Variants in FECH observed in about 807,000 individuals in gnomAD.
The protein encoded by FECH is ferrochelatase, also known as ferrochelatase, mitochondrial.
In FECH, 40 loss-of-function variants were observed where a neutral mutation model predicts 56.9. The observed-to-expected ratio is 0.70, with a 90% confidence interval of 0.55 to 0.92. The LOEUF is 0.92. Among genes scored for constraint, FECH ranks in the 40% least tolerant of loss-of-function variants. The probability of loss-of-function intolerance (pLI) is 0.00; values close to 1 mark genes in which losing one functional copy is unlikely to be tolerated. For missense variants in FECH, 431 were observed against 529.1 expected (o/e 0.81, Z 1.82); for synonymous variants, 175 against 198.6 (o/e 0.88, Z 1.00).
At chr18:57,552,782 C>G (rs913071283) in intron 9 of FECH, among the ~76,000 whole-genome samples, 1 of 152,176 alleles carries the variant, frequency 6.6e-6, no homozygotes, top group Admixed American at 6.5e-5. Context: ...ACACATGGAT[C>G]TCAACTGAAG....
intron 5 of FECH, among the ~76,000 whole-genome samples, chr18:57,565,564 C>T (rs543973358): frequency 7.3e-5 from 11 of 150,192 alleles, no homozygotes; most frequent in South Asian, 4.2e-4. Flanking sequence ...GAGCAAGATA[C>T]CATCTCAGAA....
At chr18:57,573,039 C>G (rs776605061) in intron 3 of FECH, 1 of 601,682 alleles carries the variant, frequency 1.7e-6, no homozygotes, top group Non-Finnish European at 2.9e-6. Context: ...GCAAAGGGCT[C>G]AAGGAGAATC....
At chr18:57,565,521 A>G (rs2051004413) in intron 5 of FECH, among the ~76,000 whole-genome samples, 1 of 151,876 alleles carries the variant, frequency 6.6e-6, no homozygotes, top group Admixed American at 6.6e-5. Flanking sequence ...CAGGAGAATC[A>G]CTTGAACCCG....
chr18:57,579,244 T>C (rs76173542), intron 2 of FECH, among the ~76,000 whole-genome samples: 47,565 of 130,350 alleles, frequency 0.36, 8,769 homozygotes, highest in Non-Finnish European at 0.42. Flanking sequence ...TGAGACTCTC[T>C]CAAAAAAAAA....
At chr18:57,560,867 A>G (rs999449441) in intron 6 of FECH, among the ~76,000 whole-genome samples, 1 of 152,178 alleles carries the variant, frequency 6.6e-6, no homozygotes, top group African/African-American at 2.4e-5. Context: ...GGATAAGCAA[A>G]CTATTCCCTA....
intron 2 of FECH, among the ~76,000 whole-genome samples, chr18:57,577,058 G>C (rs2051194776): frequency 6.6e-6 from 1 of 152,180 alleles, no homozygotes; most frequent in East Asian, 1.9e-4. Flanking sequence ...GTACGTAACA[G>C]AAACTTAAGC....
intron 5 of FECH, among the ~76,000 whole-genome samples, chr18:57,563,478 G>A (rs79494812): frequency 6.8e-6 from 1 of 147,634 alleles, no homozygotes; most frequent in Admixed American, 7.0e-5. Context: ...TACTCAGGAG[G>A]CTGAGGTAGG....
intron 4 of FECH, among the ~76,000 whole-genome samples, chr18:57,568,569 A>G (rs1736436): frequency 0.64 from 97,785 of 151,962 alleles, 31,702 homozygotes; most frequent in African/African-American, 0.68. Flanking sequence ...TGCAGGGATG[A>G]GAAGGAGCCT....
intron 10 of FECH, chr18:57,551,107 CA>C: frequency 1.6e-6 from 1 of 636,224 alleles, no homozygotes; most frequent in Non-Finnish European, 2.7e-6. Flanking sequence ...GGTTTTAAAT[CA>C]GACATAGTTA....
intron 9 of FECH, among the ~76,000 whole-genome samples, chr18:57,551,790 T>A (rs756531427): frequency 1.3e-5 from 2 of 152,170 alleles, no homozygotes; most frequent in Admixed American, 6.5e-5. Context: ...TGATCCCAAG[T>A]GCCAAAATGA....
intron 7 of FECH, among the ~76,000 whole-genome samples, chr18:57,556,506 G>T (rs531679908): frequency 6.6e-6 from 1 of 152,272 alleles, no homozygotes; most frequent in East Asian, 1.9e-4. Context: ...ACCCCTGTGG[G>T]TTCTTGCCAA....
chr18:57,557,793 C>T (rs968750696), intron 7 of FECH, among the ~76,000 whole-genome samples: 1 of 151,782 alleles, frequency 6.6e-6, no homozygotes, highest in African/African-American at 2.4e-5. Flanking sequence ...CAAGACCCGT[C>T]TCAAAAAAAA....
chr18:57,544,746 A>T lies in FECH; in HGVS notation c.*5966T>A, dbSNP rs1166725268. ...AAATCACAGTGTAATGGCTACAGAA[A>T]CAACTTATGTACTGTGTTATTAACG... On this transcript the variant is annotated 3_prime_UTR_variant, in exon 11 of 11. Transcript: ENST00000262093. 6.6e-6 allele frequency among the ~76,000 whole-genome samples: 1 copy of T among 152,272 alleles called. No homozygotes were observed. The highest frequency in any genetic ancestry group is 2.4e-5 in the African/African-American group (1 of 41,476).
At chr18:57,567,572 C>T (rs2051035085) in intron 4 of FECH, among the ~76,000 whole-genome samples, 1 of 152,194 alleles carries the variant, frequency 6.6e-6, no homozygotes. Context: ...AGAATCACTA[C>T]ATGAGTGTCA....
At chr18:57,574,145 C>T (rs1233924830) in intron 2 of FECH, among the ~76,000 whole-genome samples, 2 of 152,186 alleles carry the variant, frequency 1.3e-5, no homozygotes, top group Non-Finnish European at 2.9e-5. Context: ...GCTGGGATTA[C>T]ACGCACCCAG....
At chr18:57,579,313 G>GTA (rs1555681608) in intron 2 of FECH, among the ~76,000 whole-genome samples, 109 of 143,700 alleles carry the variant, frequency 7.6e-4, no homozygotes, top group South Asian at 1.1e-3. Flanking sequence ...GTGTGTGTGT[G>GTA]TATATATTCA....
intron 1 of FECH, 41 bp downstream of exon 1, chr18:57,586,512 AG>A (rs1187365883): frequency 6.6e-7 from 1 of 1,517,664 alleles, no homozygotes; most frequent in Admixed American, 2.0e-5. Flanking sequence ...ACGCCTTCTC[AG>A]GGATCCTGGC....
intron 7 of FECH, among the ~76,000 whole-genome samples, chr18:57,556,648 C>T (rs1168633145): frequency 6.6e-6 from 1 of 152,146 alleles, no homozygotes; most frequent in Non-Finnish European, 1.5e-5. Context: ...TGGCGCCTCA[C>T]ACCTACAATC....
At chr18:57,563,944 T>C (rs1345052256) in intron 5 of FECH, among the ~76,000 whole-genome samples, 1 of 152,132 alleles carries the variant, frequency 6.6e-6, no homozygotes, top group African/African-American at 2.4e-5. Flanking sequence ...AGTGGCGCGA[T>C]CTCAGCTTAC....
Sources: gnomAD v4.1 joint callset for allele counts (sites outside exome capture counted in the v4.1 genomes callset) on GRCh38, gnomAD v4.1.1 for gene constraint, MANE v1.5 for transcripts, NCBI Gene and HGNC (gene_info 2026-07-23, HGNC 2026-07-21) for gene names.